FAM186A: variants seen among roughly 807,000 people sequenced by gnomAD.
FAM186A encodes family with sequence similarity 186 member A.
A neutral mutation model predicts 216.8 loss-of-function variants in FAM186A; 163 were observed. The observed-to-expected ratio is 0.75, with a 90% CI of 0.66 to 0.86. FAM186A has a LOEUF of 0.86. Ranked by LOEUF, FAM186A falls within the 40% of genes least tolerant of loss-of-function variation. FAM186A has a pLI of 0.00. For missense variants in FAM186A, 2,184 were observed against 2,746.2 expected (o/e 0.80, Z 4.58); for synonymous variants, 805 against 1,025.3 (o/e 0.79, Z 4.10).
At chr12:50,369,038 CCTTAT>C (rs1410303371) in intron 1 of FAM186A, among the ~76,000 whole-genome samples, 1 of 150,156 alleles carries the variant, frequency 6.7e-6, no homozygotes, top group Non-Finnish European at 1.5e-5. Context: ...GAAGTTGGAT[CCTTAT>C]CTTATATCAT....
rs1383898895 is a variant in FAM186A at position 50,346,237 on chromosome 12, A to AAAGAAAGAAAGCAAGAAAG, written c.6503+4091_6503+4092insCTTTCTTGCTTTCTTTCTT. On this transcript the variant is annotated intron_variant, in intron 4 of 7. Transcript: ENST00000327337. ...AGAGAGAAGGAAAGAAAGAAAGAAAAAAAGAAAGAAAGAAAGAAAGAAAGA... is the reference window on the plus strand; with the variant it reads ...AGAGAGAAGGAAAGAAAGAAAGAAAAAAGAAAGAAAGCAAGAAAGAAAGAAAGAAAGAAAGAAAGAAAGA... Among the ~76,000 whole-genome samples, 31 of 102,258 alleles carry AAAGAAAGAAAGCAAGAAAG rather than the reference A, an allele frequency of 3.0e-4. 1 individual carries two copies. Among genetic ancestry groups the AAAGAAAGAAAGCAAGAAAG allele is most frequent in the Admixed American group, 7.4e-4 (6 of 8,082 alleles). 67.1% of individuals were successfully genotyped at this position (102,258 alleles called of 152,430 possible).
intron 1 of FAM186A, among the ~76,000 whole-genome samples, chr12:50,374,449 C>T (rs1203156623): frequency 6.6e-6 from 1 of 151,614 alleles, no homozygotes; most frequent in Non-Finnish European, 1.5e-5. Flanking sequence ...AAAATAGCAT[C>T]ATGAAAAAGT....
At chr12:50,363,772 AGAAAGAAAG>A (rs1943059825) in intron 1 of FAM186A, among the ~76,000 whole-genome samples, 1 of 143,772 alleles carries the variant, frequency 7.0e-6, no homozygotes, top group Middle Eastern at 3.6e-3. Flanking sequence ...AAAAAAAAAA[AGAAAGAAAG>A]AAAGAAAAAG....
chr12:50,384,215 T>C (rs914599523), intron 1 of FAM186A, among the ~76,000 whole-genome samples: 1 of 151,720 alleles, frequency 6.6e-6, no homozygotes, highest in Non-Finnish European at 1.5e-5. Flanking sequence ...GGTGAAAAGG[T>C]TACTTGAGGC....
chr12:50,347,241 T>C lies in FAM186A; in HGVS notation c.6503+3088A>G, dbSNP rs141070503. On this transcript the variant is annotated intron_variant, in intron 4 of 7. Transcript: ENST00000327337. ...TCACCTTGAACATTGTGGGTTACTA[T>C]GCCAGAGGAAAAGGAAACTCTGTAG... Among the ~76,000 whole-genome samples the C allele has an allele frequency of 1.6e-4, 25 of 152,246 alleles. No homozygotes were observed. The East Asian group carries it at 3.9e-3, about 24-fold the overall frequency.
At chr12:50,358,521 G>A (rs552581048) in intron 3 of FAM186A, among the ~76,000 whole-genome samples, 5 of 151,836 alleles carry the variant, frequency 3.3e-5, no homozygotes, top group South Asian at 2.1e-4. Context: ...AATTCCAGGC[G>A]GCAGTGTACT....
At chr12:50,380,062 C>T (rs949061117) in intron 1 of FAM186A, among the ~76,000 whole-genome samples, 5 of 152,182 alleles carry the variant, frequency 3.3e-5, no homozygotes, top group African/African-American at 1.2e-4. Flanking sequence ...TAATGTTTCA[C>T]ATACATACCT....
At chr12:50,371,210 A>G (rs1027684315) in intron 1 of FAM186A, among the ~76,000 whole-genome samples, 5 of 151,686 alleles carry the variant, frequency 3.3e-5, no homozygotes, top group Non-Finnish European at 7.4e-5. Context: ...ACTCCACCTC[A>G]GGGTTCAAGT....
chr12:50,336,386 CTTCT>C (rs1942708461), intron 4 of FAM186A, among the ~76,000 whole-genome samples: 1 of 152,108 alleles, frequency 6.6e-6, no homozygotes, highest in Non-Finnish European at 1.5e-5. Context: ...AAGCCCAGAA[CTTCT>C]TTCTTCCACA....
At position 50,375,600 on chromosome 12, in the gene FAM186A, T is replaced by G. The variant is rs1289178628; in HGVS notation, c.193-12236A>C. 4.8e-5 allele frequency among the ~76,000 whole-genome samples: 7 copies of G among 145,002 alleles called. No individual in the cohort carries two copies. The Admixed American group carries it at 4.8e-4, about 10-fold the overall frequency. The stretch of plus-strand genomic sequence containing the variant: ...GGTATGGTGGTGCATACCTGTAATC[T>G]CAGCTAATCGGGAGGCTGAGGCAGG... On this transcript the variant is annotated intron_variant, in intron 1 of 7. Coordinates refer to ENST00000327337, the MANE Select transcript of FAM186A (RefSeq NM_001145475.3).
intron 1 of FAM186A, among the ~76,000 whole-genome samples, chr12:50,364,560 A>AATAG: frequency 6.7e-6 from 1 of 149,826 alleles, no homozygotes; most frequent in East Asian, 2.0e-4. Flanking sequence ...ACTGTCTAAA[A>AATAG]ATAAATAAAT....
At chr12:50,340,079 C>A (rs1391524729) in intron 4 of FAM186A, among the ~76,000 whole-genome samples, 1 of 151,942 alleles carries the variant, frequency 6.6e-6, no homozygotes, top group Non-Finnish European at 1.5e-5. Context: ...CTTAAGCAAT[C>A]CACCCACCTC....
intron 4 of FAM186A, 25 bp from the exon 5 acceptor site, chr12:50,334,128 A>G (rs1942684192): frequency 1.1e-5 from 17 of 1,501,222 alleles, no homozygotes; most frequent in Non-Finnish European, 1.4e-5. Flanking sequence ...TAAAAATTAG[A>G]GCGATAATAG....
intron 4 of FAM186A, among the ~76,000 whole-genome samples, chr12:50,349,436 C>A (rs997514900): frequency 1.3e-5 from 2 of 151,930 alleles, no homozygotes; most frequent in Admixed American, 6.6e-5. Flanking sequence ...TGATCCTCCC[C>A]CCTCAGACTT....
At chr12:50,358,121 C>T (rs890205786) in intron 3 of FAM186A, among the ~76,000 whole-genome samples, 1 of 151,924 alleles carries the variant, frequency 6.6e-6, no homozygotes, top group Non-Finnish European at 1.5e-5. Flanking sequence ...CTGAGTGATA[C>T]GAGTTCTTAG....
Position 50,351,609 on chromosome 12 carries a change from T to G in FAM186A, c.5223A>C (p.Ala1741=). ...RLSPSLRLSL[A]SSAPTAEKSS... ...ACTTCTCAGCAGTAGGAGCTGATGA[T>G]GCCAGGGACAGCCTAAGACTTGGAG... The change falls in exon 4 of 8, where the codon GCA becomes GCC. Residue 1741 remains alanine, a synonymous_variant. Transcript: ENST00000327337. 1 of 1,551,504 alleles carries G rather than the reference T, an allele frequency of 6.4e-7. No individual in the cohort carries two copies. The highest frequency in any genetic ancestry group is 8.7e-7 in the Non-Finnish European group (1 of 1,146,852).
At chr12:50,388,202 A>C (rs1454167492) in intron 1 of FAM186A, among the ~76,000 whole-genome samples, 2 of 152,216 alleles carry the variant, frequency 1.3e-5, no homozygotes, top group African/African-American at 4.8e-5. Context: ...TCTAATGACC[A>C]GTCCCATCCT....
At chr12:50,335,580 G>T (rs1008095644) in intron 4 of FAM186A, among the ~76,000 whole-genome samples, 1 of 151,674 alleles carries the variant, frequency 6.6e-6, no homozygotes. Flanking sequence ...AGCAACAGAG[G>T]TTGCAGTGAG....
chr12:50,375,127 A>G (rs1943184686), intron 1 of FAM186A, among the ~76,000 whole-genome samples: 2 of 152,030 alleles, frequency 1.3e-5, no homozygotes, highest in Non-Finnish European at 2.9e-5. Context: ...GCAGTGAGCC[A>G]AGATCGCTTC....
Sources: allele counts gnomAD v4.1 joint callset (sites outside exome capture counted in the v4.1 genomes callset), GRCh38; gene constraint gnomAD v4.1.1; transcripts MANE v1.5; gene names NCBI Gene and HGNC (gene_info 2026-07-23, HGNC 2026-07-21).